NRCAM: variants seen among roughly 807,000 people sequenced by gnomAD.
The protein encoded by NRCAM is neuronal cell adhesion molecule.
Under a neutral mutation model 156.5 loss-of-function variants are expected in NRCAM, and 83 were observed. The ratio of observed to expected loss-of-function variants is 0.53; its 90% confidence interval spans 0.44 to 0.64. NRCAM has a LOEUF of 0.64. Ranked by LOEUF, NRCAM falls within the 30% of genes least tolerant of loss-of-function variation. The pLI is 0.00. For missense variants in NRCAM, 1,417 were observed against 1,597.3 expected, an observed-to-expected ratio of 0.89 and a Z score of 1.92; for synonymous variants, 538 against 563.9, an observed-to-expected ratio of 0.95 and a Z score of 0.65.
chr7:108,239,402 T>C (rs2095376895), intron 4 of NRCAM, among the ~76,000 whole-genome samples: 1 of 152,206 alleles, frequency 6.6e-6, no homozygotes, highest in South Asian at 2.1e-4. Flanking sequence ...TCTAGACTTA[T>C]ATTTAGGATT....
intron 1 of NRCAM, among the ~76,000 whole-genome samples, chr7:108,448,673 T>C (rs1847114518): frequency 6.6e-6 from 1 of 152,174 alleles, no homozygotes. Flanking sequence ...TAGAAAACGT[T>C]TCCTACTGAA....
chr7:108,296,883 C>G (rs141925274), intron 3 of NRCAM, among the ~76,000 whole-genome samples: 2 of 152,312 alleles, frequency 1.3e-5, no homozygotes, highest in African/African-American at 4.8e-5. Flanking sequence ...TATACCATTA[C>G]AGAAAATGAT....
intron 11 of NRCAM, among the ~76,000 whole-genome samples, chr7:108,211,642 T>C (rs2084507146): frequency 6.6e-6 from 1 of 152,030 alleles, no homozygotes; most frequent in Non-Finnish European, 1.5e-5. Flanking sequence ...CCTGCATGAC[T>C]CAGCAGAGGG....
chr7:108,154,891 G>A (rs1311286328), intron 32 of NRCAM, among the ~76,000 whole-genome samples: 1 of 151,858 alleles, frequency 6.6e-6, no homozygotes, highest in African/African-American at 2.4e-5. Flanking sequence ...CTTTCCAGGT[G>A]TAGTGAGTGG....
intron 2 of NRCAM, among the ~76,000 whole-genome samples, chr7:108,394,032 A>T (rs1218595882): frequency 1.3e-5 from 2 of 152,200 alleles, no homozygotes; most frequent in African/African-American, 4.8e-5. Flanking sequence ...TGCTGTCACA[A>T]CAAAAGCCTC....
intron 20 of NRCAM, among the ~76,000 whole-genome samples, chr7:108,188,942 A>T (rs1266408375): frequency 6.6e-6 from 1 of 151,064 alleles, no homozygotes; most frequent in East Asian, 2.0e-4. Context: ...AATGTATTTC[A>T]GGCATGTGAC....
At chr7:108,158,292 T>C (rs1458974992) in intron 32 of NRCAM, among the ~76,000 whole-genome samples, 1 of 152,268 alleles carries the variant, frequency 6.6e-6, no homozygotes, top group East Asian at 1.9e-4. Flanking sequence ...TAGTTATCTC[T>C]CTTTAAGAGA....
At chr7:108,455,541 G>A (rs1598754624) in intron 1 of NRCAM, among the ~76,000 whole-genome samples, 1 of 152,232 alleles carries the variant, frequency 6.6e-6, no homozygotes, top group East Asian at 1.9e-4. Flanking sequence ...ACCCGCACCT[G>A]TAAGGCCGAC....
At chr7:108,162,105 A>G (rs774508736) in intron 30 of NRCAM, among the ~76,000 whole-genome samples, 1 of 152,244 alleles carries the variant, frequency 6.6e-6, no homozygotes, top group Non-Finnish European at 1.5e-5. Flanking sequence ...TGAGGTAGGC[A>G]TCAGAAATAA....
intron 10 of NRCAM, among the ~76,000 whole-genome samples, chr7:108,225,367 C>A (rs544349191): frequency 1.3e-5 from 2 of 152,126 alleles, no homozygotes; most frequent in Non-Finnish European, 1.5e-5. Flanking sequence ...TAATTCTGAA[C>A]GTACGTGAAA....
At chr7:108,302,059 A>C (rs902597452) in intron 3 of NRCAM, among the ~76,000 whole-genome samples, 1 of 151,928 alleles carries the variant, frequency 6.6e-6, no homozygotes, top group Admixed American at 6.6e-5. Context: ...AGTACAAAAA[A>C]AAAAACCCAC....
chr7:108,363,588 T>C (rs1451250966), intron 2 of NRCAM, among the ~76,000 whole-genome samples: 1 of 152,170 alleles, frequency 6.6e-6, no homozygotes, highest in African/African-American at 2.4e-5. Context: ...CATAGTGACT[T>C]CCTTCCAAAG....
At chr7:108,259,212 A>G (rs576982072) in intron 3 of NRCAM, among the ~76,000 whole-genome samples, 1 of 152,310 alleles carries the variant, frequency 6.6e-6, no homozygotes, top group East Asian at 1.9e-4. Flanking sequence ...CACTTCCTAA[A>G]ATGAGTGTTG....
At chr7:108,215,140 TA>T (rs2087312613) in intron 11 of NRCAM, among the ~76,000 whole-genome samples, 1 of 152,078 alleles carries the variant, frequency 6.6e-6, no homozygotes, top group African/African-American at 2.4e-5. Flanking sequence ...GTTCAAGTCC[TA>T]AATATCCCTG....
At chr7:108,194,551 T>C (rs542299125) in intron 15 of NRCAM, 123 bp from the exon 16 acceptor site, 8 of 640,520 alleles carry the variant, frequency 1.2e-5, no homozygotes, top group African/African-American at 7.3e-5. Context: ...GCTAGAAGGA[T>C]TGTACTTTTG....
At chr7:108,326,230 T>C (rs2099067142) in intron 2 of NRCAM, among the ~76,000 whole-genome samples, 1 of 152,156 alleles carries the variant, frequency 6.6e-6, no homozygotes, top group African/African-American at 2.4e-5. Flanking sequence ...ATTCAAAAAA[T>C]CATATGTAAC....
intron 2 of NRCAM, among the ~76,000 whole-genome samples, chr7:108,390,611 C>T (rs2154374677): frequency 6.6e-6 from 1 of 152,232 alleles, no homozygotes; most frequent in East Asian, 1.9e-4. Flanking sequence ...TTGTCTTCTG[C>T]TAGCTTTTGA....
intron 11 of NRCAM, among the ~76,000 whole-genome samples, chr7:108,215,504 C>T (rs181519392): frequency 1.4e-3 from 215 of 152,118 alleles, no homozygotes; most frequent in African/African-American, 4.8e-3. Context: ...CATGAGCCAC[C>T]GCGCCTGGCC....
chr7:108,269,069 T>C (rs2097231921), intron 3 of NRCAM, among the ~76,000 whole-genome samples: 1 of 151,734 alleles, frequency 6.6e-6, no homozygotes, highest in Non-Finnish European at 1.5e-5. Flanking sequence ...AGTATGGCTT[T>C]GGGCTGGGAC....
Sources: allele counts gnomAD v4.1 joint callset (sites outside exome capture counted in the v4.1 genomes callset), GRCh38; gene constraint gnomAD v4.1.1; transcripts MANE v1.5; gene names NCBI Gene and HGNC (gene_info 2026-07-23, HGNC 2026-07-21).